Variants in MAPK8IP3 observed in about 807,000 individuals in gnomAD.
The protein encoded by MAPK8IP3 is mitogen-activated protein kinase 8 interacting protein 3.
Under a neutral mutation model 157.8 loss-of-function variants are expected in MAPK8IP3, and 49 were observed. The ratio of observed to expected loss-of-function variants is 0.31; its 90% CI spans 0.25 to 0.39. The LOEUF (loss-of-function observed/expected upper bound fraction) is 0.39, where lower values mean the gene tolerates loss of function less well. MAPK8IP3 is among the 10% of genes least tolerant of loss of function. The pLI is 1.00. For synonymous variants in MAPK8IP3, 897 were observed against 777.7 expected (o/e 1.15, Z -2.55); for missense variants, 1,478 against 1,889.4 (o/e 0.78, Z 4.04).
intron 1 of MAPK8IP3, among the ~76,000 whole-genome samples, chr16:1,715,223 C>CCCGA (rs1335378685): frequency 2.0e-5 from 3 of 152,148 alleles, no homozygotes; most frequent in African/African-American, 4.8e-5. Context: ...TTTTTGGAGT[C>CCCGA]CCGAGCTAGT....
chr16:1,749,568 GGA>G (rs5815100), intron 8 of MAPK8IP3, among the ~76,000 whole-genome samples: 27,311 of 152,202 alleles, frequency 0.18, 2,631 homozygotes, highest in East Asian at 0.34. Context: ...GTCAGCACGT[GGA>G]GTCTCCTGTG....
chr16:1,744,244 C>T (rs961382034), intron 5 of MAPK8IP3: 30 of 985,612 alleles, frequency 3.0e-5, no homozygotes, highest in Non-Finnish European at 3.5e-5. Context: ...TGGTGGATTT[C>T]CCACAGGGGC....
Position 1,706,699 on chromosome 16 carries a change from C to T in MAPK8IP3, c.318+42C>T, listed in dbSNP as rs556574863. 17 of 1,493,148 alleles carry T rather than the reference C, an allele frequency of 1.1e-5. No homozygotes were observed. The African/African-American group carries it at 1.3e-4, about 11-fold the overall frequency. The allele number at this position is 1,493,148 out of a possible 1,614,324, so 92.5% of individuals were successfully genotyped here. A position where few individuals can be genotyped will look rare whatever the true frequency, so the allele number is the denominator to read the frequency against. ...ACCCGCCCGCATCCCCGTCCCGGAC[C>T]CCCAGCCAGCCCCGGGCCCCGGACC... On this transcript the variant is annotated intron_variant, in intron 1 of 31. Transcript: ENST00000610761. The surrounding 1 kb of genome is among the most constrained non-coding windows in gnomAD (Gnocchi z 5.1).
chr16:1,743,604 G>C lies in MAPK8IP3; in HGVS notation c.747+128G>C, dbSNP rs1262696784. 4.1e-6 allele frequency: 6 copies of C among 1,456,340 alleles called. No individual in the cohort carries two copies. The highest frequency in any genetic ancestry group is 5.6e-5 in the East Asian group (2 of 35,674). The allele number at this position is 1,456,340 out of a possible 1,614,324, so 90.2% of individuals were successfully genotyped here. ...TGGGCCACTCGCCCTCTCCCTTCGT[G>C]TGTGGCAGGATGGAGAAACCCAGCC... On this transcript the variant is annotated intron_variant, in intron 5 of 31. Coordinates refer to ENST00000610761, the MANE Select transcript of MAPK8IP3 (RefSeq NM_001318852.2). This position sits in a 1 kb window ranked among gnomAD's most constrained non-coding sequence, Gnocchi z 5.6.
intron 4 of MAPK8IP3, among the ~76,000 whole-genome samples, chr16:1,736,846 G>C (rs1282230976): frequency 1.3e-5 from 1 of 74,858 alleles, no homozygotes; most frequent in Non-Finnish European, 2.5e-5. Flanking sequence ...GCGTGTGACC[G>C]TCCGTGTGTG....
chr16:1,752,750 TAA>T (rs79566771), intron 8 of MAPK8IP3, among the ~76,000 whole-genome samples: 30,222 of 134,204 alleles, frequency 0.23, 3,306 homozygotes, highest in East Asian at 0.38. Flanking sequence ...CCCTGTCTCT[TAA>T]AAAAAAAAAA....
At chr16:1,729,676 C>A in intron 4 of MAPK8IP3, 98 bp downstream of exon 4, 1 of 1,158,226 alleles carries the variant, frequency 8.6e-7, no homozygotes, top group Non-Finnish European at 1.2e-6. Flanking sequence ...TGTTATGGCC[C>A]GCGCTCTGGG....
chr16:1,729,048 T>C, intron 2 of MAPK8IP3, 90 bp from the exon 3 acceptor site: 1 of 1,300,930 alleles, frequency 7.7e-7, no homozygotes, highest in Non-Finnish European at 1.1e-6. Context: ...AGCCTTGTCC[T>C]GGAACCCCCT....
intron 4 of MAPK8IP3, among the ~76,000 whole-genome samples, chr16:1,730,614 A>C (rs972821563): frequency 4.0e-5 from 6 of 151,820 alleles, no homozygotes; most frequent in African/African-American, 1.2e-4. Context: ...GAGGGCAAGG[A>C]GGGCGGATCA....
At chr16:1,709,051 C>T (rs1027875100) in intron 1 of MAPK8IP3, among the ~76,000 whole-genome samples, 3 of 152,204 alleles carry the variant, frequency 2.0e-5, no homozygotes, top group Non-Finnish European at 4.4e-5. Context: ...GAGCTGTCAG[C>T]AGAAGCTCCG....
In MAPK8IP3 at chr16:1,724,697, C is replaced by T. The variant is rs1486547165; in HGVS notation, c.439+20C>T. ...ATCAGAGTAAGTGGCTGGCGGGAGCCTGGAGGCGCGCTTGATGGGCGCTGC... is the reference window on the plus strand; with the variant it reads ...ATCAGAGTAAGTGGCTGGCGGGAGCTTGGAGGCGCGCTTGATGGGCGCTGC... On this transcript the variant is annotated intron_variant, in intron 2 of 31. Coordinates refer to ENST00000610761, the MANE Select transcript of MAPK8IP3 (RefSeq NM_001318852.2). The surrounding 1 kb of genome is among the most constrained non-coding windows in gnomAD (Gnocchi z 4.1). The T allele has an allele frequency of 6.2e-7, 1 of 1,606,048 alleles. No individual in the cohort carries two copies. Among genetic ancestry groups the T allele is most frequent in the Admixed American group, 1.7e-5 (1 of 59,904 alleles).
rs2038709643 is a variant in MAPK8IP3, at chr16:1,724,091, A to G, written c.319-466A>G. Reference sequence around the variant, plus strand: ...AGGGGAGTCAGATGACTCCATTGCAAACAGGACTGGCTGTGTGCTCATGGA... The same window carrying G: ...AGGGGAGTCAGATGACTCCATTGCAGACAGGACTGGCTGTGTGCTCATGGA... On this transcript the variant is annotated intron_variant, in intron 1 of 31. Coordinates refer to ENST00000610761, the MANE Select transcript of MAPK8IP3 (RefSeq NM_001318852.2). This position sits in a 1 kb window ranked among gnomAD's most constrained non-coding sequence, Gnocchi z 4.1. 6.6e-6 allele frequency among the ~76,000 whole-genome samples: 1 copy of G among 152,186 alleles called. No individual in the cohort carries two copies. The highest frequency in any genetic ancestry group is 1.5e-5 in the Non-Finnish European group (1 of 68,024).
At chr16:1,721,477 G>A (rs569045382) in intron 1 of MAPK8IP3, among the ~76,000 whole-genome samples, 181 of 152,206 alleles carry the variant, frequency 1.2e-3, no homozygotes, top group Non-Finnish European at 2.3e-3. Flanking sequence ...ACTGTCATCT[G>A]GGAGTGCAGT....
rs2575371 is a variant in MAPK8IP3, at chr16:1,765,945, C to G, written c.2447-15C>G. 1 of 1,598,024 alleles carries G rather than the reference C, an allele frequency of 6.3e-7. No individual in the cohort carries two copies. The highest frequency in any genetic ancestry group is 2.2e-5 in the East Asian group (1 of 44,476). ...GGTTCCCCCGCACAGGCTGACGGGC[C>G]GTCCCTCTCCCCAGCGGCCAGCGAC... On this transcript the variant is annotated splice_polypyrimidine_tract_variant and intron_variant, in intron 20 of 31. Transcript: ENST00000610761.
chr16:1,740,688 C>T (rs1324556903), intron 4 of MAPK8IP3, among the ~76,000 whole-genome samples: 5 of 152,228 alleles, frequency 3.3e-5, no homozygotes, highest in Non-Finnish European at 5.9e-5. Flanking sequence ...CTGTCGCTGC[C>T]CTGCAGTCCT....
chr16:1,741,875 G>T lies in MAPK8IP3; in HGVS notation c.603-1457G>T, dbSNP rs956773148. ...TAACAGAGCAGGCGGCCAGTCCCCA[G>T]AGCTGTATGCACCCCACAAAGAGAC... On this transcript the variant is annotated intron_variant, in intron 4 of 31. Coordinates refer to ENST00000610761, the MANE Select transcript of MAPK8IP3 (RefSeq NM_001318852.2). This position sits in a 1 kb window ranked among gnomAD's most constrained non-coding sequence, Gnocchi z 6.9. Among the ~76,000 whole-genome samples the T allele has an allele frequency of 1.1e-4, 16 of 152,134 alleles. 1 individual carries two copies. The highest frequency in any genetic ancestry group is 2.9e-4 in the African/African-American group (12 of 41,414).
chr16:1,739,525 AGCTT>A (rs2040470991), intron 4 of MAPK8IP3, among the ~76,000 whole-genome samples: 1 of 98,414 alleles, frequency 1.0e-5, no homozygotes, highest in African/African-American at 4.2e-5. Context: ...CGTCCGTGTG[AGCTT>A]CCGTGTGACC....
chr16:1,757,315 AG>A (rs2041662966), intron 8 of MAPK8IP3, among the ~76,000 whole-genome samples: 1 of 152,190 alleles, frequency 6.6e-6, no homozygotes, highest in Non-Finnish European at 1.5e-5. Flanking sequence ...CGCATTAGCC[AG>A]GATGGTCTCA....
At chr16:1,768,030 C>T in intron 28 of MAPK8IP3, 39 bp from the exon 29 acceptor site, 2 of 1,611,984 alleles carry the variant, frequency 1.2e-6, no homozygotes, top group South Asian at 1.1e-5. Context: ...CCTACGCTGA[C>T]CGCTCTCCTC....
Sources: allele counts gnomAD v4.1 joint callset (sites outside exome capture counted in the v4.1 genomes callset), GRCh38; gene constraint gnomAD v4.1.1; non-coding constraint Gnocchi (gnomAD v3.1); transcripts MANE v1.5; gene names NCBI Gene and HGNC (gene_info 2026-07-23, HGNC 2026-07-21).